LRRN2: variants seen among roughly 807,000 people sequenced by gnomAD.
LRRN2 encodes leucine rich repeat neuronal 2.
Under a neutral mutation model 35.7 loss-of-function variants are expected in LRRN2, and 10 were observed. The observed-to-expected ratio is 0.28, with a 90% CI of 0.17 to 0.47. The LOEUF (loss-of-function observed/expected upper bound fraction) is 0.47. Ranked by LOEUF, LRRN2 falls within the 20% of genes least tolerant of loss-of-function variation. The pLI, the probability that LRRN2 is intolerant of heterozygous loss-of-function variation, is 0.99. For synonymous variants in LRRN2, 391 were observed against 409.6 expected, an observed-to-expected ratio of 0.95 and a Z score of 0.55; for missense variants, 731 against 940.3, an observed-to-expected ratio of 0.78 and a Z score of 2.91.
At chr1:204,630,580 A>G (rs1190882758) in intron 1 of LRRN2, among the ~76,000 whole-genome samples, 2 of 152,028 alleles carry the variant, frequency 1.3e-5, no homozygotes, top group African/African-American at 2.4e-5. Flanking sequence ...TCAGCTGTCC[A>G]GGCAGCCCGG....
At chr1:204,648,771 T>A (rs1294321449) in intron 1 of LRRN2, among the ~76,000 whole-genome samples, 1 of 152,238 alleles carries the variant, frequency 6.6e-6, no homozygotes, top group South Asian at 2.1e-4. Context: ...CACAGTCTAG[T>A]GGTTTTGAAA....
intron 1 of LRRN2, among the ~76,000 whole-genome samples, chr1:204,660,432 T>C (rs780456653): frequency 2.6e-5 from 4 of 152,176 alleles, no homozygotes; most frequent in Non-Finnish European, 4.4e-5. Context: ...GCCTAGTAAA[T>C]AGCAGATGTC....
rs142683984 is a variant in LRRN2, at chr1:204,683,469, G to C, written c.-227+1851C>G. 7.4e-4 allele frequency among the ~76,000 whole-genome samples: 113 copies of C among 151,982 alleles called. 1 individual carries two copies. Among genetic ancestry groups the C allele is most frequent in the African/African-American group, 2.7e-3 (112 of 41,462 alleles). On this transcript the variant is annotated intron_variant, in intron 1 of 1. Coordinates refer to ENST00000367177, the MANE Select transcript of LRRN2 (RefSeq NM_201630.2). The stretch of plus-strand genomic sequence containing the variant: ...GTGAAGGAAGGAGAGGAGGATGAGG[G>C]GGAGGAGGAAGAGGGGAGGCACAGG...
intron 1 of LRRN2, among the ~76,000 whole-genome samples, chr1:204,645,437 G>A (rs1668082559): frequency 6.6e-6 from 1 of 152,132 alleles, no homozygotes; most frequent in South Asian, 2.1e-4. Flanking sequence ...GGTGGCACTG[G>A]GCAGCCTTTC....
intron 1 of LRRN2, among the ~76,000 whole-genome samples, chr1:204,661,718 C>T (rs1321712482): frequency 2.0e-5 from 3 of 152,246 alleles, no homozygotes; most frequent in East Asian, 1.9e-4. Context: ...TGAGGGCTCC[C>T]GGATGCCCTT....
At chr1:204,638,094 C>T (rs900006668) in intron 1 of LRRN2, among the ~76,000 whole-genome samples, 1 of 151,466 alleles carries the variant, frequency 6.6e-6, no homozygotes, top group Admixed American at 6.6e-5. Context: ...TGATTGCCTG[C>T]TCTCACCCAC....
At chr1:204,653,022 T>C (rs1334085940) in intron 1 of LRRN2, among the ~76,000 whole-genome samples, 2 of 152,218 alleles carry the variant, frequency 1.3e-5, no homozygotes, top group Non-Finnish European at 2.9e-5. Flanking sequence ...TCAGAGCTTC[T>C]GCGGAAGGGA....
In LRRN2 at chr1:204,618,556, C is replaced by T. The variant is rs1666569414; in HGVS notation, c.1437G>A (p.Glu479=). 1.2e-6 allele frequency: 2 copies of T among 1,614,006 alleles called. No homozygotes were observed. The highest frequency in any genetic ancestry group is 1.7e-5 in the Admixed American group (1 of 60,010). The stretch of plus-strand genomic sequence containing the variant: ...TCACCCTCCGCAGCTCCAGGGTCCC[C>T]TCGGGGTACACCCGGTACCTCCTGC... The part of the protein sequence containing the change: ...HAGRRYRVYP[E]GTLELRRVTA... The change falls in exon 2 of 2, where the codon GAG becomes GAA. Residue 479 remains glutamate, a synonymous_variant. Coordinates refer to ENST00000367177, the MANE Select transcript of LRRN2 (RefSeq NM_201630.2).
chr1:204,618,742 C>T lies in LRRN2; in HGVS notation c.1251G>A (p.Thr417=), dbSNP rs370102398. 1.3e-5 allele frequency: 21 copies of T among 1,609,060 alleles called. No homozygotes were observed. Among genetic ancestry groups the T allele is most frequent in the African/African-American group, 4.0e-5 (3 of 74,884 alleles). Residue 417 remains threonine (T), a synonymous_variant, in exon 2 of 2, where the codon ACG becomes ACA. Transcript: ENST00000367177. ...PVREVPFREM[T]DHCLPLISPR... The stretch of plus-strand genomic sequence containing the variant: ...GGGAGATGAGGGGCAAACAGTGGTC[C>T]GTCATCTCCCGGAAGGGCACCTCAC...
At chr1:204,668,040 C>G (rs184171106) in intron 1 of LRRN2, among the ~76,000 whole-genome samples, 122 of 152,278 alleles carry the variant, frequency 8.0e-4, no homozygotes, top group African/African-American at 2.9e-3. Flanking sequence ...CACTCCTGTT[C>G]CAGAGTACTC....
chr1:204,674,919 G>C (rs1166158305), intron 1 of LRRN2, among the ~76,000 whole-genome samples: 1 of 152,196 alleles, frequency 6.6e-6, no homozygotes, highest in Non-Finnish European at 1.5e-5. Flanking sequence ...CAGTGCTTGG[G>C]CCTTTATATG....
At chr1:204,639,608 C>T (rs1428628185) in intron 1 of LRRN2, among the ~76,000 whole-genome samples, 7 of 152,174 alleles carry the variant, frequency 4.6e-5, no homozygotes, top group Admixed American at 4.6e-4. Flanking sequence ...CATCGCACTC[C>T]AAGCTTGGGT....
intron 1 of LRRN2, among the ~76,000 whole-genome samples, chr1:204,670,764 T>TA (rs1046650476): frequency 2.6e-5 from 4 of 151,348 alleles, no homozygotes; most frequent in Non-Finnish European, 4.4e-5. Flanking sequence ...TTCTGAGAAC[T>TA]AAAAAATGTT....
chr1:204,680,949 A>C (rs1668935134), intron 1 of LRRN2, among the ~76,000 whole-genome samples: 1 of 151,058 alleles, frequency 6.6e-6, no homozygotes, highest in African/African-American at 2.4e-5. Flanking sequence ...AACAGCAAAC[A>C]GAGAGTCACT....
chr1:204,635,884 A>T (rs1020680150), intron 1 of LRRN2, among the ~76,000 whole-genome samples: 7 of 152,236 alleles, frequency 4.6e-5, no homozygotes, highest in African/African-American at 1.7e-4. Flanking sequence ...TTCCAGGACG[A>T]GCATCGCTGC....
At chr1:204,652,201 G>A (rs2480468) in intron 1 of LRRN2, among the ~76,000 whole-genome samples, 35,088 of 150,834 alleles carry the variant, frequency 0.23, 4,753 homozygotes, top group Non-Finnish European at 0.31. Context: ...ACGGAAAAAC[G>A]GAGATGGGCC....
chr1:204,635,768 A>C (rs1393134259), intron 1 of LRRN2, among the ~76,000 whole-genome samples: 1 of 152,238 alleles, frequency 6.6e-6, no homozygotes, highest in Non-Finnish European at 1.5e-5. Context: ...CTGCAAAGGT[A>C]GAAGGTTCTC....
chr1:204,668,055 C>T (rs1409066722), intron 1 of LRRN2, among the ~76,000 whole-genome samples: 1 of 152,142 alleles, frequency 6.6e-6, no homozygotes, highest in Non-Finnish European at 1.5e-5. Context: ...GTACTCCATT[C>T]CTGGCGTGGA....
At chr1:204,684,294 C>T (rs1669018330) in intron 1 of LRRN2, among the ~76,000 whole-genome samples, 1 of 152,222 alleles carries the variant, frequency 6.6e-6, no homozygotes, top group South Asian at 2.1e-4. Context: ...CCAGCCCACC[C>T]CCTCCAACCC....
Sources: gnomAD v4.1 joint callset for allele counts (sites outside exome capture counted in the v4.1 genomes callset) on GRCh38, gnomAD v4.1.1 for gene constraint, MANE v1.5 for transcripts, NCBI Gene and HGNC (gene_info 2026-07-23, HGNC 2026-07-21) for gene names.